The following MAN2A1 variants were observed in gnomAD, a reference collection of about 807,000 sequenced individuals.
The protein encoded by MAN2A1 is mannosidase alpha class 2A member 1.
In MAN2A1, 76 loss-of-function variants were observed where a neutral mutation model predicts 142.6. That is an observed-to-expected ratio of 0.53 (90% CI 0.44 to 0.65). MAN2A1 has a LOEUF of 0.65. Ranked by LOEUF, MAN2A1 falls within the 30% of genes least tolerant of loss-of-function variation. MAN2A1 has a pLI of 0.00. For synonymous variants in MAN2A1, 559 were observed against 473.2 expected (o/e 1.18, Z -2.35); for missense variants, 1,311 against 1,365.1 (o/e 0.96, Z 0.62).
intron 5 of MAN2A1, among the ~76,000 whole-genome samples, chr5:109,757,953 A>C (rs773468652): frequency 2.6e-5 from 4 of 152,110 alleles, no homozygotes; most frequent in African/African-American, 9.7e-5. Flanking sequence ...GTTGATGGGC[A>C]CTTAGGTTGT....
At chr5:109,794,923 C>G (rs559042372) in intron 12 of MAN2A1, among the ~76,000 whole-genome samples, 1 of 151,932 alleles carries the variant, frequency 6.6e-6, no homozygotes, top group Non-Finnish European at 1.5e-5. Flanking sequence ...CCTGATTATC[C>G]AGAAGCACTT....
At chr5:109,819,437 A>G (rs1262614758) in intron 13 of MAN2A1, among the ~76,000 whole-genome samples, 8 of 152,168 alleles carry the variant, frequency 5.3e-5, no homozygotes, top group Non-Finnish European at 1.0e-4. Context: ...CTATGTAAAT[A>G]GTTATTATAC....
chr5:109,726,043 G>A (rs1751735190), intron 3 of MAN2A1, among the ~76,000 whole-genome samples: 1 of 152,108 alleles, frequency 6.6e-6, no homozygotes, highest in Admixed American at 6.5e-5. Flanking sequence ...TGGTAATAGT[G>A]TTAGAATGGA....
chr5:109,820,743 C>G (rs554337065), intron 15 of MAN2A1, among the ~76,000 whole-genome samples: 107 of 152,258 alleles, frequency 7.0e-4, no homozygotes, highest in African/African-American at 2.5e-3. Flanking sequence ...AAGGCAGTTG[C>G]AGTGAGCCAA....
chr5:109,855,969 T>C (rs1755595636), intron 20 of MAN2A1, among the ~76,000 whole-genome samples: 1 of 152,188 alleles, frequency 6.6e-6, no homozygotes, highest in Admixed American at 6.5e-5. Flanking sequence ...CTGGAAATAG[T>C]AAGTGGTTAT....
At chr5:109,723,179 T>G (rs1261059854) in intron 3 of MAN2A1, among the ~76,000 whole-genome samples, 1 of 152,150 alleles carries the variant, frequency 6.6e-6, no homozygotes, top group Non-Finnish European at 1.5e-5. Context: ...GTTCCTCTGG[T>G]GTGGGGTAAA....
intron 1 of MAN2A1, among the ~76,000 whole-genome samples, chr5:109,709,193 G>A (rs1751226945): frequency 1.3e-5 from 2 of 152,080 alleles, no homozygotes; most frequent in South Asian, 4.1e-4. Flanking sequence ...TTTTTTAGAT[G>A]TATATAGCAT....
chr5:109,780,824 T>G (rs1401006766), intron 8 of MAN2A1, among the ~76,000 whole-genome samples: 1 of 152,212 alleles, frequency 6.6e-6, no homozygotes, highest in Non-Finnish European at 1.5e-5. Flanking sequence ...TACTCAGTGT[T>G]ACCTACTGGT....
At chr5:109,825,492 T>G (rs1754732079) in intron 16 of MAN2A1, among the ~76,000 whole-genome samples, 1 of 152,242 alleles carries the variant, frequency 6.6e-6, no homozygotes, top group Non-Finnish European at 1.5e-5. Context: ...TTTATTTAAT[T>G]ATGTCACTGT....
intron 7 of MAN2A1, among the ~76,000 whole-genome samples, chr5:109,771,640 A>G (rs960088291): frequency 1.2e-4 from 19 of 152,190 alleles, no homozygotes; most frequent in Non-Finnish European, 2.1e-4. Context: ...CTTTCTAGCT[A>G]GGGTTGGGTT....
intron 12 of MAN2A1, among the ~76,000 whole-genome samples, chr5:109,815,815 A>G (rs1294562954): frequency 1.3e-5 from 2 of 152,192 alleles, no homozygotes; most frequent in African/African-American, 4.8e-5. Context: ...TATAGCTACA[A>G]TGTATTGGGG....
chr5:109,828,121 AAAAAAG>A (rs962943706), intron 16 of MAN2A1, among the ~76,000 whole-genome samples: 95 of 144,750 alleles, frequency 6.6e-4, no homozygotes, highest in East Asian at 4.6e-3. Flanking sequence ...AAAAAAAAGA[AAAAAAG>A]AAAAAAAATT....
intron 4 of MAN2A1, among the ~76,000 whole-genome samples, chr5:109,747,438 A>G (rs890626299): frequency 2.0e-5 from 3 of 152,144 alleles, no homozygotes; most frequent in Non-Finnish European, 4.4e-5. Context: ...ATGGCTGAAT[A>G]ATGTTCTGTC....
At chr5:109,855,102 A>C in intron 19 of MAN2A1, 38 bp from the exon 20 acceptor site, 1 of 1,163,230 alleles carries the variant, frequency 8.6e-7, no homozygotes, top group Non-Finnish European at 1.2e-6. Flanking sequence ...AGAACTGGAA[A>C]TATAGACCTC....
intron 19 of MAN2A1, chr5:109,854,409 A>C (rs888777738): frequency 1.4e-4 from 21 of 152,272 alleles, no homozygotes; most frequent in African/African-American, 4.6e-4. Flanking sequence ...AAAGCATTTT[A>C]AATTATATGG....
At chr5:109,713,807 T>A in intron 2 of MAN2A1, 33 bp downstream of exon 2, 1 of 521,976 alleles carries the variant, frequency 1.9e-6, no homozygotes, top group Non-Finnish European at 2.7e-6. Flanking sequence ...ATCACTGGCC[T>A]TTTTTTTTTT....
At chr5:109,793,812 T>A (rs1208732880) in intron 12 of MAN2A1, among the ~76,000 whole-genome samples, 1 of 152,214 alleles carries the variant, frequency 6.6e-6, no homozygotes, top group African/African-American at 2.4e-5. Context: ...TCCAAATAGC[T>A]GAATGAATTG....
chr5:109,751,678 C>T (rs751824564), intron 4 of MAN2A1, among the ~76,000 whole-genome samples: 1 of 151,874 alleles, frequency 6.6e-6, no homozygotes, highest in Non-Finnish European at 1.5e-5. Context: ...TTCTAAGTCA[C>T]AGTTATGGTA....
chr5:109,691,365 A>G (rs1309786855), intron 1 of MAN2A1, among the ~76,000 whole-genome samples: 1 of 152,198 alleles, frequency 6.6e-6, no homozygotes, highest in Non-Finnish European at 1.5e-5. Flanking sequence ...GTTTCAAGTT[A>G]CTTGCCAATA....
Sources: allele counts gnomAD v4.1 joint callset (sites outside exome capture counted in the v4.1 genomes callset), GRCh38; gene constraint gnomAD v4.1.1; transcripts MANE v1.5; gene names NCBI Gene and HGNC (gene_info 2026-07-23, HGNC 2026-07-21).